Variants in AFF3 observed in about 807,000 individuals in gnomAD.
The protein encoded by AFF3 is ALF transcription elongation factor 3, also known as AF4/FMR2 family member 3.
In AFF3, 32 loss-of-function variants were observed where a neutral mutation model predicts 129.7. The ratio of observed to expected loss-of-function variants is 0.25; its 90% CI spans 0.19 to 0.33. AFF3 has a LOEUF of 0.33. AFF3 is among the 10% of genes least tolerant of loss of function. The pLI is 1.00. For synonymous variants in AFF3, 644 were observed against 635.4 expected, an observed-to-expected ratio of 1.01 and a Z score of -0.20; for missense variants, 1,373 against 1,592.0, an observed-to-expected ratio of 0.86 and a Z score of 2.34.
At chr2:100,095,539 T>C (rs60123434) in intron 4 of AFF3, among the ~76,000 whole-genome samples, 1,643 of 152,310 alleles carry the variant, frequency 0.011, 26 homozygotes, top group African/African-American at 0.037. Context: ...AGATTTAAAT[T>C]TGCCCTACTA....
rs190858819 is a variant in AFF3, at chr2:99,678,441, C to T, written c.1092-5852G>A. The stretch of plus-strand genomic sequence containing the variant: ...CTTCCACAGGTATTGCAAACGGGCA[C>T]GTTAACTACCTGCAAATGTAATGGC... On this transcript the variant is annotated intron_variant, in intron 11 of 24. Transcript: ENST00000672756. 7.9e-5 allele frequency among the ~76,000 whole-genome samples: 12 copies of T among 152,280 alleles called. No homozygotes were observed. The East Asian group carries it at 1.9e-3, about 24-fold the overall frequency.
At chr2:99,741,364 A>G (rs1374438286) in intron 10 of AFF3, among the ~76,000 whole-genome samples, 9 of 152,234 alleles carry the variant, frequency 5.9e-5, no homozygotes, top group Non-Finnish European at 1.2e-4. Context: ...AGGCAACTTC[A>G]GCAAAGTCTC....
In AFF3 at chr2:99,625,141, T is replaced by C. The variant is rs79497583; in HGVS notation, c.1185-23520A>G. On this transcript the variant is annotated intron_variant, in intron 13 of 24. Transcript: ENST00000672756. ...TGACTTAAGTTGCATCCACTGTTTGTATATAGATGGTCTTTCAAGATCCTG... is the reference window on the plus strand; with the variant it reads ...TGACTTAAGTTGCATCCACTGTTTGCATATAGATGGTCTTTCAAGATCCTG... 4.1e-3 allele frequency among the ~76,000 whole-genome samples: 618 copies of C among 152,370 alleles called. 9 individuals are homozygous for C. Among genetic ancestry groups the C allele is most frequent in the African/African-American group, 0.014 (591 of 41,580 alleles).
chr2:99,731,294 A>G (rs1013591453), intron 10 of AFF3, among the ~76,000 whole-genome samples: 1 of 152,208 alleles, frequency 6.6e-6, no homozygotes, highest in African/African-American at 2.4e-5. Context: ...AACTTTAGAC[A>G]GTGCCTAATG....
At chr2:100,073,331 G>A (rs1688346490) in intron 4 of AFF3, among the ~76,000 whole-genome samples, 1 of 152,218 alleles carries the variant, frequency 6.6e-6, no homozygotes, top group Non-Finnish European at 1.5e-5. Context: ...AAAACATGAA[G>A]GTGTCGGGTG....
intron 4 of AFF3, among the ~76,000 whole-genome samples, chr2:100,036,134 TAAAAAAAA>T (rs59136725): frequency 1.6e-5 from 1 of 64,338 alleles, no homozygotes; most frequent in Non-Finnish European, 2.8e-5. Flanking sequence ...AATACAGTGC[TAAAAAAAA>T]AAAAAAAAAA....
At chr2:99,567,122 C>G (rs966536819) in intron 19 of AFF3, among the ~76,000 whole-genome samples, 1 of 148,508 alleles carries the variant, frequency 6.7e-6, no homozygotes, top group Non-Finnish European at 1.5e-5. Flanking sequence ...TGTGCACCAC[C>G]ACACCTGGCT....
chr2:99,779,495 C>T (rs1469630004), intron 8 of AFF3, among the ~76,000 whole-genome samples: 4 of 145,666 alleles, frequency 2.7e-5, no homozygotes, highest in Non-Finnish European at 5.9e-5. Context: ...GGGTAAGTGA[C>T]CACACAGTCA....
At chr2:99,678,178 T>C (rs1264671176) in intron 11 of AFF3, among the ~76,000 whole-genome samples, 2 of 152,228 alleles carry the variant, frequency 1.3e-5, no homozygotes, top group African/African-American at 2.4e-5. Context: ...AGAACCCAAC[T>C]GTGTCATTTG....
chr2:99,595,077 G>C (rs938159594), intron 14 of AFF3, among the ~76,000 whole-genome samples: 18 of 152,172 alleles, frequency 1.2e-4, no homozygotes, highest in Non-Finnish European at 7.3e-5. Context: ...GATGGCTAGG[G>C]AATGCCCTGA....
chr2:100,064,494 C>T (rs1411969630), intron 4 of AFF3, among the ~76,000 whole-genome samples: 1 of 152,200 alleles, frequency 6.6e-6, no homozygotes. Context: ...GACTGAATAT[C>T]TGAATTGCTA....
intron 7 of AFF3, among the ~76,000 whole-genome samples, chr2:99,957,942 T>C (rs1370532034): frequency 2.6e-5 from 4 of 152,172 alleles, no homozygotes; most frequent in African/African-American, 9.7e-5. Flanking sequence ...GAATTCTTGG[T>C]AGACCTCACT....
At chr2:99,739,605 G>T (rs1322493606) in intron 10 of AFF3, among the ~76,000 whole-genome samples, 1 of 151,672 alleles carries the variant, frequency 6.6e-6, no homozygotes, top group Non-Finnish European at 1.5e-5. Flanking sequence ...CAGTAATTCA[G>T]CAAACGATCT....
intron 4 of AFF3, among the ~76,000 whole-genome samples, chr2:100,067,200 T>C (rs901570699): frequency 7.2e-6 from 1 of 138,964 alleles, no homozygotes; most frequent in African/African-American, 2.7e-5. Context: ...AAAAAAAAGG[T>C]GGGGGGAGGG....
chr2:99,591,014 A>AT (rs1678617347), intron 15 of AFF3, among the ~76,000 whole-genome samples: 1 of 151,338 alleles, frequency 6.6e-6, no homozygotes, highest in Non-Finnish European at 1.5e-5. Context: ...AAAAAAAAAA[A>AT]ATTTTTTTTT....
At chr2:99,839,652 C>T (rs1170280251) in intron 7 of AFF3, among the ~76,000 whole-genome samples, 1 of 150,734 alleles carries the variant, frequency 6.6e-6, no homozygotes, top group African/African-American at 2.4e-5. Flanking sequence ...CGCTCTGTCA[C>T]CCAGGCTGGA....
intron 8 of AFF3, among the ~76,000 whole-genome samples, chr2:99,825,481 C>T (rs1010507856): frequency 1.3e-5 from 2 of 152,126 alleles, no homozygotes; most frequent in South Asian, 2.1e-4. Context: ...ATGTATGTTT[C>T]GAGTTGATCA....
At chr2:99,695,519 G>C (rs973749672) in intron 11 of AFF3, among the ~76,000 whole-genome samples, 4 of 151,936 alleles carry the variant, frequency 2.6e-5, no homozygotes, top group Non-Finnish European at 4.4e-5. Flanking sequence ...AAACTGCAGG[G>C]GAAAAAAATC....
At chr2:99,971,194 C>T (rs1264916600) in intron 7 of AFF3, among the ~76,000 whole-genome samples, 1 of 152,168 alleles carries the variant, frequency 6.6e-6, no homozygotes, top group South Asian at 2.1e-4. Context: ...TGATGTGTCT[C>T]ACAAGCCCAT....
Sources: gnomAD v4.1 joint callset for allele counts (sites outside exome capture counted in the v4.1 genomes callset) on GRCh38, gnomAD v4.1.1 for gene constraint, MANE v1.5 for transcripts, NCBI Gene and HGNC (gene_info 2026-07-23, HGNC 2026-07-21) for gene names.